LEO1: variants seen among roughly 807,000 people sequenced by gnomAD.
LEO1 encodes RNA polymerase-associated protein LEO1.
In LEO1, 34 loss-of-function variants were observed where a neutral mutation model predicts 80.4. The observed-to-expected ratio is 0.42, with a 90% confidence interval of 0.32 to 0.56. The LOEUF is 0.56. Ranked by LOEUF, LEO1 falls within the 20% of genes least tolerant of loss-of-function variation. The pLI is 0.10. For synonymous variants in LEO1, 262 were observed against 274.9 expected (o/e 0.95, Z 0.46); for missense variants, 631 against 814.2 (o/e 0.77, Z 2.74).
chr15:51,940,605 A>C (rs952047976), intron 11 of LEO1, among the ~76,000 whole-genome samples: 2 of 151,768 alleles, frequency 1.3e-5, no homozygotes, highest in East Asian at 3.9e-4. Context: ...TCTGGCAGCT[A>C]CACATAAGCA....
intron 2 of LEO1, among the ~76,000 whole-genome samples, chr15:51,964,138 G>A (rs1415548754): frequency 6.6e-6 from 1 of 151,804 alleles, no homozygotes; most frequent in Non-Finnish European, 1.5e-5. Flanking sequence ...CCCAGGAGGC[G>A]GAGCTTGCAG....
intron 11 of LEO1, among the ~76,000 whole-genome samples, chr15:51,946,399 T>C (rs2056901740): frequency 6.6e-6 from 1 of 152,126 alleles, no homozygotes; most frequent in African/African-American, 2.4e-5. Flanking sequence ...TTTCTCCATG[T>C]TGGTCAGGCT....
At chr15:51,951,204 G>T (rs542930151) in intron 9 of LEO1, among the ~76,000 whole-genome samples, 1 of 152,244 alleles carries the variant, frequency 6.6e-6, no homozygotes, top group Non-Finnish European at 1.5e-5. Flanking sequence ...CCAAAATCTA[G>T]TAGGGATTAG....
chr15:51,944,570 G>C (rs1044308308), intron 11 of LEO1, among the ~76,000 whole-genome samples: 1 of 152,136 alleles, frequency 6.6e-6, no homozygotes, highest in Admixed American at 6.6e-5. Flanking sequence ...TAATCATGCT[G>C]TCTGGTACAT....
chr15:51,966,736 C>A (rs1444594532), intron 1 of LEO1, among the ~76,000 whole-genome samples: 2 of 151,900 alleles, frequency 1.3e-5, no homozygotes, highest in African/African-American at 4.8e-5. Context: ...CATAGCGAAA[C>A]CCTGTCTCTA....
chr15:51,953,094 C>T, intron 8 of LEO1, 35 bp downstream of exon 8: 1 of 1,570,860 alleles, frequency 6.4e-7, no homozygotes, highest in Non-Finnish European at 8.7e-7. Context: ...CTGCTTTTAC[C>T]ATAAGAAATA....
intron 6 of LEO1, among the ~76,000 whole-genome samples, chr15:51,958,258 T>G (rs2929422): frequency 0.35 from 52,887 of 149,634 alleles, 9,869 homozygotes; most frequent in Middle Eastern, 0.43. Context: ...AAGTTCAAGA[T>G]CAACCTGGGC....
At chr15:51,943,778 TAAA>T (rs36007111) in intron 11 of LEO1, among the ~76,000 whole-genome samples, 5 of 127,164 alleles carry the variant, frequency 3.9e-5, no homozygotes, top group Admixed American at 1.6e-4. Context: ...GAGAAGTGAT[TAAA>T]AAAAAAAAAA....
intron 4 of LEO1, among the ~76,000 whole-genome samples, chr15:51,960,372 G>A (rs1804945355): frequency 6.6e-6 from 1 of 152,192 alleles, no homozygotes; most frequent in African/African-American, 2.4e-5. Flanking sequence ...CTTGGCATGA[G>A]CAAGAAAAAC....
Position 51,954,598 on chromosome 15 carries a change from T to C in LEO1, c.1246-23A>G, listed in dbSNP as rs778338795. The C allele has an allele frequency of 6.2e-6, 9 of 1,458,394 alleles. No homozygotes were observed. The East Asian group carries it at 1.4e-4, about 22-fold the overall frequency. The allele number at this position is 1,458,394 out of a possible 1,614,324, so 90.3% of individuals were successfully genotyped here. A position where few individuals can be genotyped will look rare whatever the true frequency, so the allele number is the denominator to read the frequency against. ...TACCTGTTTCACAACACAAGTACTT[T>C]AGAAAATTATAGTTTAAATGACTCT... On this transcript the variant is annotated intron_variant, in intron 6 of 11. Coordinates refer to ENST00000299601, the MANE Select transcript of LEO1 (RefSeq NM_138792.4).
intron 11 of LEO1, among the ~76,000 whole-genome samples, chr15:51,939,625 G>A (rs2623291): frequency 1.3e-5 from 2 of 152,026 alleles, no homozygotes; most frequent in Non-Finnish European, 2.9e-5. Flanking sequence ...TACTCCCAGC[G>A]CCACAGGCAA....
In LEO1 at chr15:51,965,938, T is replaced by C. The variant is rs1244288085; in HGVS notation, c.625A>G (p.Lys209Glu). 3 of 1,614,112 alleles carry C rather than the reference T, an allele frequency of 1.9e-6. No homozygotes were observed. The highest frequency in any genetic ancestry group is 1.3e-5 in the African/African-American group (1 of 75,046). The change falls in exon 2 of 12, where the codon AAG (lysine) becomes GAG (glutamate). Residue 209 changes from lysine to glutamate, a missense_variant. Around this residue, in one of 4 missense-constraint regions of LEO1, gnomAD observed 394 missense variants for 395.6 expected, o/e 1.00. Coordinates refer to ENST00000299601, the MANE Select transcript of LEO1 (RefSeq NM_138792.4). ...GGCCGTTCATCATCAGAATTAGCCT[T>C]TTCCTCCTCAGATAGCTGTTGTCTC... ...DERQQLSEEE[K>E]ANSDDERPVA...
In LEO1 at chr15:51,954,324, C is replaced by T. The variant is rs187082094; in HGVS notation, c.1340+157G>A. The stretch of plus-strand genomic sequence containing the variant: ...TTAGGACTAGGAGTCTGAGGCTCCA[C>T]TGAGCTGTTATCATGTCATTACACT... On this transcript the variant is annotated intron_variant, in intron 7 of 11. Transcript: ENST00000299601. Among the ~76,000 whole-genome samples, 7 of 152,062 alleles carry T rather than the reference C, an allele frequency of 4.6e-5. No homozygotes were observed. The East Asian group carries it at 1.4e-3, about 29-fold the overall frequency.
At chr15:51,942,103 G>T (rs1324103099) in intron 11 of LEO1, among the ~76,000 whole-genome samples, 1 of 152,204 alleles carries the variant, frequency 6.6e-6, no homozygotes, top group Non-Finnish European at 1.5e-5. Flanking sequence ...GGGCTTTAGT[G>T]TGCAAAGCAC....
chr15:51,940,803 AAATAAAT>A (rs762191967), intron 11 of LEO1, among the ~76,000 whole-genome samples: 9 of 152,066 alleles, frequency 5.9e-5, no homozygotes, highest in Non-Finnish European at 1.3e-4. Flanking sequence ...ATTTTTAATA[AAATAAAT>A]AATAAGGCCG....
At chr15:51,970,152 A>C (rs951502103) in intron 1 of LEO1, among the ~76,000 whole-genome samples, 2 of 152,118 alleles carry the variant, frequency 1.3e-5, no homozygotes, top group African/African-American at 4.8e-5. Context: ...CCAAACATGT[A>C]CATGAATTTA....
intron 1 of LEO1, 32 bp downstream of exon 1, chr15:51,971,656 C>T: frequency 1.2e-6 from 2 of 1,610,444 alleles, no homozygotes; most frequent in South Asian, 1.1e-5. Flanking sequence ...AGGCCTGCCA[C>T]GCACCCATCC....
Position 51,966,220 on chromosome 15 carries a change from C to A in LEO1, c.343G>T (p.Asp115Tyr). 6.2e-7 allele frequency: 1 copy of A among 1,613,996 alleles called. No individual in the cohort carries two copies. The highest frequency in any genetic ancestry group is 8.5e-7 in the Non-Finnish European group (1 of 1,180,030). Reference protein sequence around the residue: ...DQHSGSEAPNDDEDEGHRSDG... With the variant: ...DQHSGSEAPNYDEDEGHRSDG... ...GATCTATGACCTTCGTCTTCATCAT[C>A]ATTAGGGGCTTCTGATCCACTGTGC... The change falls in exon 2 of 12, where the codon GAT becomes TAT. Residue 115 changes from aspartate to tyrosine, a missense_variant. Asp to Tyr is a radical substitution (Grantham distance 160). Coordinates refer to ENST00000299601, the MANE Select transcript of LEO1 (RefSeq NM_138792.4).
At chr15:51,940,555 C>T (rs557841342) in intron 11 of LEO1, among the ~76,000 whole-genome samples, 4 of 149,694 alleles carry the variant, frequency 2.7e-5, no homozygotes, top group Admixed American at 6.7e-5. Flanking sequence ...AGCGAGACTC[C>T]GTCTCAAAAA....
Sources: allele counts gnomAD v4.1 joint callset (sites outside exome capture counted in the v4.1 genomes callset), GRCh38; gene constraint gnomAD v4.1.1; regional missense constraint gnomAD v4.1.1; transcripts MANE v1.5; gene names NCBI Gene and HGNC (gene_info 2026-07-23, HGNC 2026-07-21).